Variants in HECW1 observed in about 807,000 individuals in gnomAD.
HECW1 encodes E3 ubiquitin-protein ligase HECW1.
In HECW1, 61 loss-of-function variants were observed where a neutral mutation model predicts 182.3. The ratio of observed to expected loss-of-function variants is 0.33; its 90% CI spans 0.27 to 0.41. The LOEUF is 0.41. Ranked by LOEUF, HECW1 falls within the 10% of genes least tolerant of loss-of-function variation. HECW1 has a pLI of 1.00. For missense variants in HECW1, 1,739 were observed against 2,108.9 expected (o/e 0.82, Z 3.44); for synonymous variants, 859 against 832.6 (o/e 1.03, Z -0.55).
At position 43,534,726 on chromosome 7, in the gene HECW1, T is replaced by C. The variant is rs571754749; in HGVS notation, c.4020-6437T>C. ...TTTAATTCCATTCAACAAATCTTAA[T>C]TGAGACCTTAACTGTGCCAGGTACC... is the stretch of plus-strand genomic sequence containing the variant. On this transcript the variant is annotated intron_variant, in intron 24 of 29. Transcript: ENST00000395891. 2.0e-5 allele frequency among the ~76,000 whole-genome samples: 3 copies of C among 152,352 alleles called. 1 individual carries two copies. Among genetic ancestry groups the C allele is most frequent in the South Asian group, 4.1e-4 (2 of 4,830 alleles).
intron 2 of HECW1, among the ~76,000 whole-genome samples, chr7:43,203,948 A>G (rs955322193): frequency 6.6e-6 from 1 of 152,242 alleles, no homozygotes; most frequent in African/African-American, 2.4e-5. Context: ...ATATTGCTGA[A>G]AAAAGCACAA....
At chr7:43,470,786 AACACACACACAT>A (rs2077991293) in intron 16 of HECW1, among the ~76,000 whole-genome samples, 2 of 152,134 alleles carry the variant, frequency 1.3e-5, no homozygotes, top group Admixed American at 1.3e-4. Flanking sequence ...TTATTAATTG[AACACACACACAT>A]ACACACACTC....
At position 43,405,049 on chromosome 7, in the gene HECW1, G is replaced by A. The variant is rs116522052; in HGVS notation, c.632-2513G>A. Among the ~76,000 whole-genome samples the A allele has an allele frequency of 4.9e-3, 742 of 152,298 alleles. 6 individuals are homozygous for A. The highest frequency in any genetic ancestry group is 0.017 in the African/African-American group (709 of 41,578). On this transcript the variant is annotated intron_variant, in intron 7 of 29. Coordinates refer to ENST00000395891, the MANE Select transcript of HECW1 (RefSeq NM_015052.5). ...GGCGGGTTCAAATCTCATCTCTGATGTCAACCAGCCCTGACAATCTGTAAG... is the reference window on the plus strand; with the variant it reads ...GGCGGGTTCAAATCTCATCTCTGATATCAACCAGCCCTGACAATCTGTAAG...
At chr7:43,399,477 T>C (rs1460288107) in intron 7 of HECW1, among the ~76,000 whole-genome samples, 2 of 152,226 alleles carry the variant, frequency 1.3e-5, no homozygotes, top group African/African-American at 4.8e-5. Flanking sequence ...ACTGCACAAC[T>C]ATGTGCCAGA....
At chr7:43,385,984 C>T (rs1047483358) in intron 6 of HECW1, among the ~76,000 whole-genome samples, 1 of 152,176 alleles carries the variant, frequency 6.6e-6, no homozygotes, top group Non-Finnish European at 1.5e-5. Flanking sequence ...CAAGCTCATT[C>T]TTGTTGTTGG....
At chr7:43,367,328 G>A (rs190116796) in intron 6 of HECW1, among the ~76,000 whole-genome samples, 162 of 152,258 alleles carry the variant, frequency 1.1e-3, no homozygotes, top group African/African-American at 3.7e-3. Flanking sequence ...AGCACTAAAA[G>A]GAAACCTCAT....
intron 14 of HECW1, among the ~76,000 whole-genome samples, chr7:43,465,367 G>T (rs183931610): frequency 1.1e-4 from 17 of 152,298 alleles, no homozygotes; most frequent in Admixed American, 5.2e-4. Flanking sequence ...TCCATCGTGG[G>T]TCAGCTGCGG....
At chr7:43,231,555 C>G (rs1797876783) in intron 2 of HECW1, among the ~76,000 whole-genome samples, 1 of 152,136 alleles carries the variant, frequency 6.6e-6, no homozygotes, top group African/African-American at 2.4e-5. Context: ...CTATGTAGAC[C>G]TTGGATGGTG....
rs563076733 is a variant in HECW1 at position 43,153,949 on chromosome 7, AT to A, written c.-32+39568del. On this transcript the variant is annotated intron_variant, in intron 2 of 29. Transcript: ENST00000395891. ...AGATGTTTACTTTTTGAAGATTGTAATTTTTTTTTTGGTAGTTGTTAGAAAA... is the reference window on the plus strand; with the variant it reads ...AGATGTTTACTTTTTGAAGATTGTAATTTTTTTTTGGTAGTTGTTAGAAAA... Among the ~76,000 whole-genome samples the A allele has an allele frequency of 8.8e-3, 1,314 of 149,836 alleles. 21 individuals carry two copies. The highest frequency in any genetic ancestry group is 0.031 in the African/African-American group (1,252 of 40,934).
intron 24 of HECW1, among the ~76,000 whole-genome samples, chr7:43,538,020 G>A (rs10238504): frequency 0.033 from 4,991 of 152,246 alleles, 288 homozygotes; most frequent in African/African-American, 0.11. Context: ...GGTCCTTGCT[G>A]CAAAGTGGTC....
At chr7:43,325,415 G>C (rs917017) in intron 5 of HECW1, among the ~76,000 whole-genome samples, 1 of 151,976 alleles carries the variant, frequency 6.6e-6, no homozygotes, top group Non-Finnish European at 1.5e-5. Context: ...ATCCTTCCAA[G>C]TCAGGGCTTG....
intron 5 of HECW1, among the ~76,000 whole-genome samples, chr7:43,329,525 A>G (rs1376760233): frequency 2.0e-5 from 3 of 152,142 alleles, no homozygotes; most frequent in Admixed American, 1.3e-4. Context: ...AGGTAAGATC[A>G]ACATGGCTTG....
chr7:43,122,493 C>T (rs1045977080), intron 2 of HECW1, among the ~76,000 whole-genome samples: 4 of 152,186 alleles, frequency 2.6e-5, no homozygotes, highest in Non-Finnish European at 4.4e-5. Flanking sequence ...TGGCAGTGCT[C>T]CTCTCCTGCT....
chr7:43,119,006 A>G (rs1014351926), intron 2 of HECW1: 1 of 152,244 alleles, frequency 6.6e-6, no homozygotes, highest in African/African-American at 2.4e-5. Context: ...TCAGCCTCTA[A>G]AGACATATTT....
At chr7:43,501,550 G>T (rs2079360389) in intron 21 of HECW1, among the ~76,000 whole-genome samples, 1 of 152,040 alleles carries the variant, frequency 6.6e-6, no homozygotes. Context: ...AAAATGTTTT[G>T]CTGGGCAGGT....
chr7:43,330,118 C>T (rs138002851), intron 5 of HECW1, among the ~76,000 whole-genome samples: 203 of 152,278 alleles, frequency 1.3e-3, no homozygotes, highest in Non-Finnish European at 1.8e-3. Flanking sequence ...AGGCGGGGTC[C>T]ATGTCGCCTC....
intron 16 of HECW1, among the ~76,000 whole-genome samples, chr7:43,471,894 A>G (rs13238388): frequency 0.28 from 41,924 of 152,034 alleles, 6,442 homozygotes; most frequent in African/African-American, 0.41. Flanking sequence ...TTCAGAAAGT[A>G]TATTTTTTTC....
intron 6 of HECW1, among the ~76,000 whole-genome samples, chr7:43,364,696 G>A (rs1816405141): frequency 6.6e-6 from 1 of 152,244 alleles, no homozygotes; most frequent in Admixed American, 6.5e-5. Flanking sequence ...TGGCAGGGAA[G>A]GAGACCTAGT....
chr7:43,349,899 G>T (rs970183881), intron 5 of HECW1, among the ~76,000 whole-genome samples: 3 of 152,018 alleles, frequency 2.0e-5, no homozygotes, highest in Non-Finnish European at 2.9e-5. Context: ...GTTCTTTGTT[G>T]CCTGTGTACT....
Sources: gnomAD v4.1 joint callset for allele counts (sites outside exome capture counted in the v4.1 genomes callset) on GRCh38, gnomAD v4.1.1 for gene constraint, MANE v1.5 for transcripts, NCBI Gene and HGNC (gene_info 2026-07-23, HGNC 2026-07-21) for gene names.